Variants in BCL2L11 observed in about 807,000 individuals in gnomAD.
BCL2L11 encodes bcl-2-like protein 11.
Under a neutral mutation model 20.6 loss-of-function variants are expected in BCL2L11, and 15 were observed. That is an observed-to-expected ratio of 0.73 (90% CI 0.49 to 1.12). BCL2L11 has a LOEUF of 1.12. BCL2L11 is among the 50% of genes most tolerant of loss of function. The probability of loss-of-function intolerance (pLI) is 0.00; values close to 1 mark genes in which losing one functional copy is unlikely to be tolerated. For synonymous variants in BCL2L11, 108 were observed against 92.8 expected, an observed-to-expected ratio of 1.16 and a Z score of -0.94; for missense variants, 292 against 260.9, an observed-to-expected ratio of 1.12 and a Z score of -0.82.
chr2:111,137,472 G>A (rs1218430721), intron 2 of BCL2L11, among the ~76,000 whole-genome samples: 2 of 152,022 alleles, frequency 1.3e-5, no homozygotes, highest in Non-Finnish European at 2.9e-5. Flanking sequence ...ACTTGTGCTG[G>A]GGCATCTGAC....
intron 3 of BCL2L11, among the ~76,000 whole-genome samples, chr2:111,150,733 T>C (rs916803581): frequency 1.3e-4 from 20 of 152,254 alleles, no homozygotes; most frequent in African/African-American, 4.3e-4. Flanking sequence ...ATATTATAGA[T>C]AATTGCCACT....
chr2:111,163,582 G>A (rs1206545233), intron 3 of BCL2L11: 6 of 152,836 alleles, frequency 3.9e-5, no homozygotes, highest in Admixed American at 3.2e-4. Flanking sequence ...AAGGTGGGAG[G>A]ATGGGGGTTG....
intron 1 of BCL2L11, among the ~76,000 whole-genome samples, chr2:111,121,583 C>T (rs1305391007): frequency 1.3e-5 from 2 of 152,156 alleles, no homozygotes; most frequent in Admixed American, 6.5e-5. Flanking sequence ...CCGGCTCCGG[C>T]GCCCTCAGAG....
At chr2:111,126,006 C>T (rs1299920725) in intron 2 of BCL2L11, among the ~76,000 whole-genome samples, 1 of 151,996 alleles carries the variant, frequency 6.6e-6, no homozygotes, top group Non-Finnish European at 1.5e-5. Context: ...CATTAAAGAC[C>T]CTCTGGAAGG....
chr2:111,166,887 C>T lies in BCL2L11; in HGVS notation c.*2656C>T, dbSNP rs1191095683. On this transcript the variant is annotated 3_prime_UTR_variant, in exon 4 of 4. Transcript: ENST00000393256. ...ATATATTGTGAGTATTTATTAGATT[C>T]GTAGGTCATATTACTTATCAACTGA... 2 of 152,648 alleles carry T rather than the reference C, an allele frequency of 1.3e-5. No individual in the cohort carries two copies. The highest frequency in any genetic ancestry group is 2.1e-4 in the South Asian group (1 of 4,828). 9.5% of individuals were successfully genotyped at this position (152,648 alleles called of 1,614,324 possible). A position where few individuals can be genotyped will look rare whatever the true frequency, so the allele number is the denominator to read the frequency against.
intron 1 of BCL2L11, among the ~76,000 whole-genome samples, chr2:111,121,763 G>A (rs1048169441): frequency 2.0e-5 from 3 of 152,228 alleles, no homozygotes; most frequent in African/African-American, 7.2e-5. Context: ...GCTTTCTCAA[G>A]CGTACCTGGG....
chr2:111,162,218 C>T (rs554258182), intron 3 of BCL2L11, among the ~76,000 whole-genome samples: 73 of 152,320 alleles, frequency 4.8e-4, no homozygotes, highest in Non-Finnish European at 8.2e-4. Flanking sequence ...GTGGTAATGG[C>T]TTCCTCTGTT....
chr2:111,139,735 C>T (rs1430556854), intron 2 of BCL2L11, among the ~76,000 whole-genome samples: 1 of 152,170 alleles, frequency 6.6e-6, no homozygotes, highest in African/African-American at 2.4e-5. Context: ...AGAGGCCAGG[C>T]CTTCGTGGTT....
At chr2:111,124,812 T>C (rs2072167750) in intron 2 of BCL2L11, among the ~76,000 whole-genome samples, 1 of 152,152 alleles carries the variant, frequency 6.6e-6, no homozygotes, top group African/African-American at 2.4e-5. Context: ...AATAACACTT[T>C]TAAAAAAATG....
intron 3 of BCL2L11, among the ~76,000 whole-genome samples, chr2:111,158,103 T>G (rs996592853): frequency 6.6e-6 from 1 of 152,204 alleles, no homozygotes; most frequent in Non-Finnish European, 1.5e-5. Context: ...AAATACCAGC[T>G]CAGCTGCCGT....
At chr2:111,137,181 G>A (rs1365148183) in intron 2 of BCL2L11, among the ~76,000 whole-genome samples, 1 of 152,124 alleles carries the variant, frequency 6.6e-6, no homozygotes, top group Non-Finnish European at 1.5e-5. Flanking sequence ...ATTGCCAGTT[G>A]AATGCTGTAC....
rs149936238 is a variant in BCL2L11, at chr2:111,156,850, G to A, written c.498+6703G>A. ...AAAATTCTTATTATCATCTGTTATC[G>A]TAATTCTGTTTCCTCTCACTTTGAA... On this transcript the variant is annotated intron_variant, in intron 3 of 3. Coordinates refer to ENST00000393256, the MANE Select transcript of BCL2L11 (RefSeq NM_138621.5). 1.8e-3 allele frequency among the ~76,000 whole-genome samples: 280 copies of A among 152,256 alleles called. 2 individuals are homozygous for A. Among genetic ancestry groups the A allele is most frequent in the Middle Eastern group, 6.8e-3 (2 of 292 alleles).
At chr2:111,142,450 C>G in intron 2 of BCL2L11, 1 of 1,330,986 alleles carries the variant, frequency 7.5e-7, no homozygotes, top group East Asian at 2.5e-5. Flanking sequence ...CCTTTTGTGA[C>G]TTTTAAGTGA....
intron 2 of BCL2L11, among the ~76,000 whole-genome samples, chr2:111,149,440 T>G (rs1301722752): frequency 1.3e-5 from 2 of 152,230 alleles, no homozygotes; most frequent in Non-Finnish European, 2.9e-5. Flanking sequence ...GCATTAATAT[T>G]GAGACAAAAC....
intron 2 of BCL2L11, among the ~76,000 whole-genome samples, chr2:111,141,705 T>G (rs952730874): frequency 6.6e-6 from 1 of 151,926 alleles, no homozygotes; most frequent in Middle Eastern, 3.4e-3. Flanking sequence ...TGTGAGTTTT[T>G]TTTTTTTTTT....
Position 111,150,144 on chromosome 2 carries a change from G to T in BCL2L11, c.495G>T (p.Arg165Ser). ...ACGAGTTTAACGCTTACTATGCAAG[G>T]AGGGTAATGATGTTTTCTTTACCCG... ...IGDEFNAYYA[R>S]RVFLNNYQAA... The change falls in exon 3 of 4, where the codon AGG becomes AGT. Residue 165 changes from arginine (R) to serine (S), a missense_variant. Coordinates refer to ENST00000393256, the MANE Select transcript of BCL2L11 (RefSeq NM_138621.5). 1 of 1,613,552 alleles carries T rather than the reference G, an allele frequency of 6.2e-7. No homozygotes were observed. The highest frequency in any genetic ancestry group is 8.5e-7 in the Non-Finnish European group (1 of 1,179,664).
intron 2 of BCL2L11, among the ~76,000 whole-genome samples, chr2:111,125,493 A>G (rs1211137104): frequency 6.6e-6 from 1 of 152,256 alleles, no homozygotes; most frequent in Non-Finnish European, 1.5e-5. Flanking sequence ...AGAGTCTATT[A>G]TAATTTAGAT....
At chr2:111,150,296 T>C in intron 3 of BCL2L11, 149 bp downstream of exon 3, 1 of 1,447,834 alleles carries the variant, frequency 6.9e-7, no homozygotes, top group Non-Finnish European at 9.2e-7. Flanking sequence ...GTTTCTCCTT[T>C]CCCATTTTTC....
At chr2:111,157,556 G>A (rs1175627495) in intron 3 of BCL2L11, among the ~76,000 whole-genome samples, 2 of 152,102 alleles carry the variant, frequency 1.3e-5, no homozygotes, top group East Asian at 1.9e-4. Context: ...GAACAGTGAC[G>A]ATTTCAGAAG....
Sources: allele counts gnomAD v4.1 joint callset (sites outside exome capture counted in the v4.1 genomes callset), GRCh38; gene constraint gnomAD v4.1.1; transcripts MANE v1.5; gene names NCBI Gene and HGNC (gene_info 2026-07-23, HGNC 2026-07-21).